The following NRG3 variants were observed in gnomAD, a reference collection of about 807,000 sequenced individuals.
NRG3 encodes the protein neuregulin 3, also known as pro-neuregulin-3, membrane-bound isoform.
Under a neutral mutation model 66.9 loss-of-function variants are expected in NRG3, and 31 were observed. The observed-to-expected ratio is 0.46, with a 90% CI of 0.35 to 0.63. NRG3 has a LOEUF of 0.63. Ranked by LOEUF, NRG3 falls within the 20% of genes least tolerant of loss-of-function variation. The pLI is 0.00. For synonymous variants in NRG3, 393 were observed against 359.4 expected (o/e 1.09, Z -1.06); for missense variants, 910 against 878.9 (o/e 1.04, Z -0.45).
At chr10:82,847,783 C>G (rs147329731) in intron 3 of NRG3, among the ~76,000 whole-genome samples, 2 of 152,280 alleles carry the variant, frequency 1.3e-5, no homozygotes, top group East Asian at 3.9e-4. Flanking sequence ...CAGTAGAAAC[C>G]TTGAGATGCT....
rs532597240 is a variant in NRG3, at chr10:82,802,197, G to A, written c.1028-63214G>A. ...TAAAGAATGTTTGATTGGGTGCTAG[G>A]AAAGTGAGAGAAAACAGAGCTCATT... On this transcript the variant is annotated intron_variant, in intron 3 of 8. Transcript: ENST00000372141. Among the ~76,000 whole-genome samples, 5 of 152,276 alleles carry A rather than the reference G, an allele frequency of 3.3e-5. No individual in the cohort carries two copies. The South Asian group carries it at 1.0e-3, about 32-fold the overall frequency.
intron 1 of NRG3, chr10:82,228,871 A>G (rs2076303322): frequency 6.6e-6 from 1 of 152,270 alleles, no homozygotes; most frequent in Admixed American, 6.5e-5. Flanking sequence ...GAAGCCACTG[A>G]ACGTGATGAA....
Position 82,665,573 on chromosome 10 carries a change from G to T in NRG3, c.954-73004G>T, listed in dbSNP as rs2052704991. On this transcript the variant is annotated intron_variant, in intron 2 of 8. Coordinates refer to ENST00000372141, the MANE Select transcript of NRG3 (RefSeq NM_001010848.4). Reference sequence around the variant, plus strand: ...TGGTTTATTCAGTAATACCTACCTTGATCTTTTATTAACCTCATAAGCATC... The same window carrying T: ...TGGTTTATTCAGTAATACCTACCTTTATCTTTTATTAACCTCATAAGCATC... Among the ~76,000 whole-genome samples, 3 of 152,050 alleles carry T rather than the reference G, an allele frequency of 2.0e-5. No homozygotes were observed. In the South Asian group the frequency reaches 6.2e-4, roughly 32 times the overall value.
rs767571083 is a variant in NRG3, at chr10:81,877,954, TA to T, written c.823+1792del. The stretch of plus-strand genomic sequence containing the variant: ...TGATCTGCTCTTTTGATGCAGTTGA[TA>T]GAATAATGGAGTGTGGTATACCTCC... On this transcript the variant is annotated intron_variant, in intron 1 of 8. Transcript: ENST00000372141. 6 of 1,537,534 alleles carry T rather than the reference TA, an allele frequency of 3.9e-6. No individual in the cohort carries two copies. The African/African-American group carries it at 8.2e-5, about 21-fold the overall frequency.
At chr10:82,419,607 C>A (rs1175931371) in intron 2 of NRG3, among the ~76,000 whole-genome samples, 1 of 152,050 alleles carries the variant, frequency 6.6e-6, no homozygotes, top group Non-Finnish European at 1.5e-5. Context: ...TCTTTCATTG[C>A]AGATTTATAT....
chr10:82,930,250 A>C (rs1267546181), intron 4 of NRG3, among the ~76,000 whole-genome samples: 1 of 152,168 alleles, frequency 6.6e-6, no homozygotes, highest in Non-Finnish European at 1.5e-5. Context: ...CTTGTGTGGC[A>C]ATTTATTTGC....
intron 1 of NRG3, among the ~76,000 whole-genome samples, chr10:82,017,493 A>C (rs1046980918): frequency 1.8e-4 from 27 of 152,122 alleles, no homozygotes; most frequent in Non-Finnish European, 3.5e-4. Context: ...TTCTAGTTCT[A>C]GATCCCTGAG....
At chr10:81,997,397 C>T (rs1217995953) in intron 1 of NRG3, among the ~76,000 whole-genome samples, 1 of 152,228 alleles carries the variant, frequency 6.6e-6, no homozygotes, top group Admixed American at 6.5e-5. Context: ...TGCATCTTTA[C>T]ACACTCAGCT....
Position 82,579,970 on chromosome 10 carries a change from A to G in NRG3, c.954-158607A>G, listed in dbSNP as rs538598797. Among the ~76,000 whole-genome samples, 11 of 152,074 alleles carry G rather than the reference A, an allele frequency of 7.2e-5. No homozygotes were observed. In the South Asian group the frequency reaches 2.3e-3, roughly 31 times the overall value. On this transcript the variant is annotated intron_variant, in intron 2 of 8. Transcript: ENST00000372141. ...CAGTATCTGTGAGGGATTGGTTCCAAGATCCCCAAGGATACCAAAATCTAA... is the reference window on the plus strand; with the variant it reads ...CAGTATCTGTGAGGGATTGGTTCCAGGATCCCCAAGGATACCAAAATCTAA...
chr10:82,470,570 A>G (rs1314245187), intron 2 of NRG3, among the ~76,000 whole-genome samples: 1 of 152,226 alleles, frequency 6.6e-6, no homozygotes, highest in Non-Finnish European at 1.5e-5. Flanking sequence ...TCAGAGGCCC[A>G]TGACTGCCTA....
At chr10:82,178,120 A>C (rs2073168202) in intron 1 of NRG3, among the ~76,000 whole-genome samples, 1 of 152,210 alleles carries the variant, frequency 6.6e-6, no homozygotes, top group South Asian at 2.1e-4. Context: ...AATAAAAATA[A>C]AACCAATGTA....
At chr10:82,445,049 C>T (rs993468774) in intron 2 of NRG3, among the ~76,000 whole-genome samples, 1 of 152,092 alleles carries the variant, frequency 6.6e-6, no homozygotes, top group Admixed American at 6.5e-5. Context: ...AATTAATATC[C>T]TCTGTCTAAC....
chr10:81,887,288 C>T (rs1842687438), intron 1 of NRG3, among the ~76,000 whole-genome samples: 2 of 152,012 alleles, frequency 1.3e-5, no homozygotes, highest in African/African-American at 4.8e-5. Context: ...GATGATTAGC[C>T]TTGACTTTAT....
intron 2 of NRG3, among the ~76,000 whole-genome samples, chr10:82,640,750 A>T (rs1301924071): frequency 6.6e-6 from 1 of 152,172 alleles, no homozygotes; most frequent in African/African-American, 2.4e-5. Context: ...TTCATTAAAC[A>T]TGATTGGATA....
chr10:82,667,809 C>G (rs1274346878), intron 2 of NRG3, among the ~76,000 whole-genome samples: 1 of 152,178 alleles, frequency 6.6e-6, no homozygotes, highest in East Asian at 1.9e-4. Flanking sequence ...ACCCCAAGAA[C>G]AGCTCTCAAG....
At chr10:82,631,159 A>G (rs2049802209) in intron 2 of NRG3, among the ~76,000 whole-genome samples, 1 of 152,192 alleles carries the variant, frequency 6.6e-6, no homozygotes, top group African/African-American at 2.4e-5. Context: ...AGCACTTTAC[A>G]GAAAGCTGCT....
Position 82,554,265 on chromosome 10 carries a change from AC to A in NRG3, c.954-184311del, listed in dbSNP as rs138872382. On this transcript the variant is annotated intron_variant, in intron 2 of 8. Transcript: ENST00000372141. ...AGTATTGTATTTTATATTTCAAAAT[AC>A]GTAGGAAAGATGATTTTGACTGTTC... Among the ~76,000 whole-genome samples the A allele has an allele frequency of 1.8e-3, 281 of 152,294 alleles. 1 individual carries two copies. The highest frequency in any genetic ancestry group is 6.3e-3 in the African/African-American group (263 of 41,564).
At chr10:82,363,973 A>G (rs750059021) in intron 2 of NRG3, among the ~76,000 whole-genome samples, 13 of 152,194 alleles carry the variant, frequency 8.5e-5, no homozygotes, top group Non-Finnish European at 1.5e-4. Flanking sequence ...GCAAACTTGA[A>G]CATATAGTAG....
intron 2 of NRG3, among the ~76,000 whole-genome samples, chr10:82,619,726 A>C (rs751269750): frequency 2.6e-5 from 4 of 152,168 alleles, no homozygotes; most frequent in African/African-American, 9.6e-5. Flanking sequence ...CTAATCTAAT[A>C]TGACTGGTGT....
Sources: gnomAD v4.1 joint callset for allele counts (sites outside exome capture counted in the v4.1 genomes callset) on GRCh38, gnomAD v4.1.1 for gene constraint, MANE v1.5 for transcripts, NCBI Gene and HGNC (gene_info 2026-07-23, HGNC 2026-07-21) for gene names.